The following GATAD2A variants were observed in gnomAD, a reference collection of about 807,000 sequenced individuals.
GATAD2A encodes the protein transcriptional repressor p66-alpha.
Under a neutral mutation model 68.5 loss-of-function variants are expected in GATAD2A, and 12 were observed. The observed-to-expected ratio is 0.18, with a 90% CI of 0.11 to 0.28. GATAD2A has a LOEUF of 0.28. GATAD2A is among the 10% of genes least tolerant of loss of function. The probability of loss-of-function intolerance (pLI) is 1.00; values close to 1 mark genes in which losing one functional copy is unlikely to be tolerated. For synonymous variants in GATAD2A, 410 were observed against 375.3 expected (o/e 1.09, Z -1.07); for missense variants, 755 against 868.5 (o/e 0.87, Z 1.64).
chr19:19,476,882 G>A (rs2058710233), intron 2 of GATAD2A, among the ~76,000 whole-genome samples: 1 of 152,184 alleles, frequency 6.6e-6, no homozygotes, highest in African/African-American at 2.4e-5. Flanking sequence ...TCTTTCTGAG[G>A]TTTTTCTTCT....
intron 1 of GATAD2A, among the ~76,000 whole-genome samples, chr19:19,462,652 CAAGAGAGGTCTCTGGGGCTGGAG>C (rs2057539850): frequency 6.6e-6 from 1 of 152,238 alleles, no homozygotes; most frequent in South Asian, 2.1e-4. Context: ...GGGGGCCCAA[CAAGAGAGGTCTCTGGGGCTGGAG>C]GGAGCAGCTC....
At chr19:19,454,026 T>A (rs1282420283) in intron 1 of GATAD2A, among the ~76,000 whole-genome samples, 1 of 147,066 alleles carries the variant, frequency 6.8e-6, no homozygotes, top group East Asian at 2.1e-4. Context: ...AGACAGAGTT[T>A]CGTTCTTGTT....
intron 1 of GATAD2A, chr19:19,436,132 T>C (rs1292393907): frequency 7.3e-7 from 1 of 1,361,852 alleles, no homozygotes; most frequent in Admixed American, 1.9e-5. Flanking sequence ...TTGCTTTAGG[T>C]TGGTCAGCAC....
chr19:19,480,373 G>A (rs573210557), intron 2 of GATAD2A, among the ~76,000 whole-genome samples: 1 of 152,306 alleles, frequency 6.6e-6, no homozygotes, highest in Admixed American at 6.5e-5. Context: ...GGAAGTTGTT[G>A]AGCTCACAGC....
chr19:19,501,104 C>T lies in GATAD2A; in HGVS notation c.1205-14C>T. 1.2e-6 allele frequency: 2 copies of T among 1,604,410 alleles called. No homozygotes were observed. The highest frequency in any genetic ancestry group is 1.3e-5 in the African/African-American group (1 of 74,900). On this transcript the variant is annotated splice_polypyrimidine_tract_variant and intron_variant, in intron 8 of 11. Coordinates refer to ENST00000683918, the MANE Select transcript of GATAD2A (RefSeq NM_001384528.1). ...CTGGCCCTCTGACGTGAGCCATGTG[C>T]TGTCTGCTTGCAGCAGGCAGGATGT...
At chr19:19,441,077 CTG>C in intron 1 of GATAD2A, among the ~76,000 whole-genome samples, 1 of 151,266 alleles carries the variant, frequency 6.6e-6, no homozygotes, top group African/African-American at 2.4e-5. Flanking sequence ...TCCCCTCACT[CTG>C]TCACCCAGGC....
At chr19:19,452,485 A>G (rs1228623111) in intron 1 of GATAD2A, among the ~76,000 whole-genome samples, 1 of 152,106 alleles carries the variant, frequency 6.6e-6, no homozygotes, top group Non-Finnish European at 1.5e-5. Flanking sequence ...GAACTGCATC[A>G]GCCTCTCAAC....
At chr19:19,459,105 T>C (rs1007984393) in intron 1 of GATAD2A, among the ~76,000 whole-genome samples, 4 of 152,218 alleles carry the variant, frequency 2.6e-5, no homozygotes, top group African/African-American at 9.7e-5. Flanking sequence ...TGTGCCTGGC[T>C]TCACACTTGT....
chr19:19,448,290 C>T (rs1420057111), intron 1 of GATAD2A, among the ~76,000 whole-genome samples: 1 of 152,248 alleles, frequency 6.6e-6, no homozygotes, highest in African/African-American at 2.4e-5. Context: ...GTTCCTTGGG[C>T]AGCGTCTGTT....
At chr19:19,419,502 C>G (rs2052075201) in intron 1 of GATAD2A, among the ~76,000 whole-genome samples, 1 of 143,146 alleles carries the variant, frequency 7.0e-6, no homozygotes, top group African/African-American at 2.6e-5. Context: ...CTGTAATGAT[C>G]TCTACATCTT....
At chr19:19,459,438 A>C (rs578039328) in intron 1 of GATAD2A, among the ~76,000 whole-genome samples, 9 of 140,928 alleles carry the variant, frequency 6.4e-5, no homozygotes, top group Non-Finnish European at 7.7e-5. Flanking sequence ...AGTTCTTTCC[A>C]TTTTTCTTCA....
At chr19:19,431,939 C>T (rs1388585751) in intron 1 of GATAD2A, among the ~76,000 whole-genome samples, 1 of 151,806 alleles carries the variant, frequency 6.6e-6, no homozygotes, top group African/African-American at 2.4e-5. Context: ...TGAGCAAAGG[C>T]AGGGGTGGTG....
chr19:19,491,668 C>A (rs1299266543), intron 2 of GATAD2A, among the ~76,000 whole-genome samples: 1 of 152,228 alleles, frequency 6.6e-6, no homozygotes, highest in African/African-American at 2.4e-5. Context: ...CCATGTGGGG[C>A]CCAAGAAGGG....
At chr19:19,494,204 T>A (rs1277258931) in intron 4 of GATAD2A, 90 bp from the exon 5 acceptor site, 2 of 678,354 alleles carry the variant, frequency 2.9e-6, no homozygotes, top group African/African-American at 1.8e-5. Flanking sequence ...CAGTCAGTCC[T>A]CTTCGGCAGC....
In GATAD2A at chr19:19,507,866, C is replaced by G. The variant is rs112624389; in HGVS notation, c.*2392C>G. 6.6e-6 allele frequency: 1 copy of G among 152,192 alleles called. No individual in the cohort carries two copies. Among genetic ancestry groups the G allele is most frequent in the East Asian group, 1.9e-4 (1 of 5,198 alleles). The allele number at this position is 152,192 out of a possible 1,614,324, so 9.4% of individuals were successfully genotyped here. A position where few individuals can be genotyped will look rare whatever the true frequency, so the allele number is the denominator to read the frequency against. On this transcript the variant is annotated 3_prime_UTR_variant, in exon 12 of 12. Coordinates refer to ENST00000683918, the MANE Select transcript of GATAD2A (RefSeq NM_001384528.1). ...TTCCTTTCAGTTCCTTGCAGCATAA[C>G]CTCTACGATAAGCCCCAAGCGGGTT...
At chr19:19,420,960 A>T (rs770512572) in intron 1 of GATAD2A, among the ~76,000 whole-genome samples, 1 of 152,366 alleles carries the variant, frequency 6.6e-6, no homozygotes, top group Non-Finnish European at 1.5e-5. Flanking sequence ...TTGTCAACAT[A>T]TTAGAGATGA....
Position 19,496,227 on chromosome 19 carries a change from C to T in GATAD2A, c.924+8C>T, listed in dbSNP as rs752937530. 2 of 1,611,918 alleles carry T rather than the reference C, an allele frequency of 1.2e-6. No homozygotes were observed. Among genetic ancestry groups the T allele is most frequent in the Non-Finnish European group, 1.7e-6 (2 of 1,178,838 alleles). ...CTCGTCAACATCCCACAGGTGAGGG[C>T]TGCGCCACACTGTGCCAGGGAGAGT... On this transcript the variant is annotated splice_region_variant and intron_variant, in intron 7 of 11. Coordinates refer to ENST00000683918, the MANE Select transcript of GATAD2A (RefSeq NM_001384528.1).
In GATAD2A at chr19:19,498,538, T is replaced by G; in HGVS notation, c.1020T>G (p.Ser340=). ...SVASVVTSAE[S]PASRQAAAKL... ...CCTCTGTGGTCACCTCTGCCGAGTC[T>G]CCAGCAAGCCGACAGGCGGCCGCCA... Residue 340 remains serine (S), a synonymous_variant, in exon 8 of 12, where the codon TCT becomes TCG. Transcript: ENST00000683918. 1 of 1,613,860 alleles carries G rather than the reference T, an allele frequency of 6.2e-7. No homozygotes were observed. Among genetic ancestry groups the G allele is most frequent in the South Asian group, 1.1e-5 (1 of 91,084 alleles).
At chr19:19,409,499 T>C (rs2050672244) in intron 1 of GATAD2A, among the ~76,000 whole-genome samples, 1 of 152,074 alleles carries the variant, frequency 6.6e-6, no homozygotes, top group Non-Finnish European at 1.5e-5. Flanking sequence ...CTAAGTGTGG[T>C]CGTTTGTTAG....
Sources: allele counts gnomAD v4.1 joint callset (sites outside exome capture counted in the v4.1 genomes callset), GRCh38; gene constraint gnomAD v4.1.1; transcripts MANE v1.5; gene names NCBI Gene and HGNC (gene_info 2026-07-23, HGNC 2026-07-21).